RBFOX1: variants seen among roughly 807,000 people sequenced by gnomAD.
RBFOX1 encodes RNA binding protein fox-1 homolog 1.
In RBFOX1, 8 loss-of-function variants were observed where a neutral mutation model predicts 57.7. The ratio of observed to expected loss-of-function variants is 0.14; its 90% CI spans 0.08 to 0.25. The LOEUF (loss-of-function observed/expected upper bound fraction) is 0.25. RBFOX1 is among the 10% of genes least tolerant of loss of function. The pLI, the probability that RBFOX1 is intolerant of heterozygous loss-of-function variation, is 1.00. For synonymous variants in RBFOX1, 326 were observed against 222.4 expected, an observed-to-expected ratio of 1.47 and a Z score of -4.15; for missense variants, 611 against 548.5, an observed-to-expected ratio of 1.11 and a Z score of -1.14.
intron 4 of RBFOX1, among the ~76,000 whole-genome samples, chr16:5,988,555 C>A (rs1023865565): frequency 3.3e-5 from 5 of 152,138 alleles, no homozygotes; most frequent in East Asian, 1.9e-4. Flanking sequence ...GCTGTTACCC[C>A]CTTCCTGCCA....
At chr16:7,211,853 G>A (rs6500926) in intron 4 of RBFOX1, among the ~76,000 whole-genome samples, 70,786 of 151,800 alleles carry the variant, frequency 0.47, 16,723 homozygotes, top group South Asian at 0.5. Context: ...TGGTTGCAGC[G>A]TTTCCTAATA....
chr16:6,195,303 A>G (rs903615890), intron 1 of RBFOX1, among the ~76,000 whole-genome samples: 1 of 152,178 alleles, frequency 6.6e-6, no homozygotes, highest in African/African-American at 2.4e-5. Context: ...CTGTGCCTCC[A>G]TTTTAACTCT....
chr16:6,491,062 C>T lies in RBFOX1; in HGVS notation c.-63-163541C>T, dbSNP rs372628305. Among the ~76,000 whole-genome samples, 4 of 152,020 alleles carry T rather than the reference C, an allele frequency of 2.6e-5. No homozygotes were observed. In the South Asian group the frequency reaches 6.2e-4, roughly 24 times the overall value. ...ACTACCCAGTAAAGTTCTGTAGATA[C>T]TATCTATTAGTATGCAGTACTAAAA... is the stretch of plus-strand genomic sequence containing the variant. On this transcript the variant is annotated intron_variant, in intron 2 of 15. Transcript: ENST00000550418.
chr16:5,626,432 C>G (rs977186024), intron 3 of RBFOX1, among the ~76,000 whole-genome samples: 3 of 152,196 alleles, frequency 2.0e-5, no homozygotes, highest in South Asian at 2.1e-4. Context: ...AATAACCTCA[C>G]TGTCACTTAA....
At chr16:5,351,354 C>T (rs888506859) in intron 1 of RBFOX1, among the ~76,000 whole-genome samples, 1 of 152,102 alleles carries the variant, frequency 6.6e-6, no homozygotes, top group African/African-American at 2.4e-5. Flanking sequence ...TTCACTGTAC[C>T]CCCTTTAGAG....
At chr16:6,152,164 T>C (rs1305991377) in intron 1 of RBFOX1, among the ~76,000 whole-genome samples, 9 of 152,208 alleles carry the variant, frequency 5.9e-5, no homozygotes, top group Non-Finnish European at 1.3e-4. Flanking sequence ...CATATTAAAA[T>C]GTAAAATATA....
At chr16:6,717,493 G>T (rs1326903445) in intron 3 of RBFOX1, among the ~76,000 whole-genome samples, 3 of 152,014 alleles carry the variant, frequency 2.0e-5, no homozygotes, top group African/African-American at 7.3e-5. Context: ...CTCCAAACTT[G>T]GAGGTTTAGA....
intron 1 of RBFOX1, among the ~76,000 whole-genome samples, chr16:6,276,516 A>G (rs188222304): frequency 6.9e-4 from 105 of 151,966 alleles, no homozygotes; most frequent in Non-Finnish European, 1.2e-3. Flanking sequence ...TATTTTTTGT[A>G]TTTTTTAGTA....
At chr16:5,271,566 C>G (rs1162207669) in intron 1 of RBFOX1, among the ~76,000 whole-genome samples, 1 of 152,238 alleles carries the variant, frequency 6.6e-6, no homozygotes, top group Non-Finnish European at 1.5e-5. Flanking sequence ...CTTAAGGAGA[C>G]CTGACTGCGC....
chr16:7,360,903 A>G (rs552816639), intron 4 of RBFOX1, among the ~76,000 whole-genome samples: 30 of 152,194 alleles, frequency 2.0e-4, no homozygotes, highest in Non-Finnish European at 3.8e-4. Flanking sequence ...CCCTGAATGT[A>G]TCCTTATCCT....
At chr16:6,849,998 C>T (rs920224432) in intron 3 of RBFOX1, among the ~76,000 whole-genome samples, 1 of 152,140 alleles carries the variant, frequency 6.6e-6, no homozygotes, top group Non-Finnish European at 1.5e-5. Context: ...GGTAGATGAA[C>T]AAAAGTGACA....
At chr16:6,348,855 G>A (rs541507920) in intron 2 of RBFOX1, among the ~76,000 whole-genome samples, 15 of 152,084 alleles carry the variant, frequency 9.9e-5, no homozygotes, top group Non-Finnish European at 2.2e-4. Context: ...AGATTTGGAC[G>A]GAGACACAGA....
intron 1 of RBFOX1, among the ~76,000 whole-genome samples, chr16:6,256,980 A>G (rs77487141): frequency 4.6e-5 from 7 of 152,170 alleles, no homozygotes; most frequent in Admixed American, 1.3e-4. Flanking sequence ...CCTGCATTCC[A>G]TGAGTAGATG....
intron 3 of RBFOX1, among the ~76,000 whole-genome samples, chr16:7,032,699 A>T (rs1248308007): frequency 6.6e-6 from 1 of 151,600 alleles, no homozygotes; most frequent in Non-Finnish European, 1.5e-5. Flanking sequence ...CACATGGTTC[A>T]TTTTCAGGTA....
chr16:5,536,361 A>T (rs539253330), intron 2 of RBFOX1, among the ~76,000 whole-genome samples: 11 of 150,310 alleles, frequency 7.3e-5, no homozygotes, highest in Non-Finnish European at 1.2e-4. Flanking sequence ...CAGCCTGCTG[A>T]GTAGCTGGGA....
chr16:6,431,734 T>C (rs556795019), intron 2 of RBFOX1, among the ~76,000 whole-genome samples: 32 of 152,108 alleles, frequency 2.1e-4, no homozygotes, highest in Non-Finnish European at 4.3e-4. Context: ...GGTGCTCCTG[T>C]AGTCCTGGCT....
At chr16:6,356,474 T>G (rs1238445614) in intron 2 of RBFOX1, among the ~76,000 whole-genome samples, 9 of 152,174 alleles carry the variant, frequency 5.9e-5, no homozygotes, top group Non-Finnish European at 1.2e-4. Flanking sequence ...AAATGCTATT[T>G]TCCCTCTGTG....
At chr16:6,579,316 A>T (rs1023831163) in intron 2 of RBFOX1, among the ~76,000 whole-genome samples, 5 of 151,756 alleles carry the variant, frequency 3.3e-5, no homozygotes, top group Admixed American at 6.6e-5. Context: ...CAGTCCTCCC[A>T]CCTCGGTCTC....
intron 1 of RBFOX1, among the ~76,000 whole-genome samples, chr16:5,305,457 C>G (rs1422317030): frequency 6.6e-6 from 1 of 152,080 alleles, no homozygotes; most frequent in African/African-American, 2.4e-5. Flanking sequence ...TTCATCTCAT[C>G]TCTATAATTC....
Sources: gnomAD v4.1 joint callset for allele counts (sites outside exome capture counted in the v4.1 genomes callset) on GRCh38, gnomAD v4.1.1 for gene constraint, MANE v1.5 for transcripts, NCBI Gene and HGNC (gene_info 2026-07-23, HGNC 2026-07-21) for gene names.